The following TULP2 variants were observed in gnomAD, a reference collection of about 807,000 sequenced individuals.
TULP2 encodes TUB like protein 2.
In TULP2, 64 loss-of-function variants were observed where a neutral mutation model predicts 60.3. That is an observed-to-expected ratio of 1.06 (90% CI 0.87 to 1.31). The LOEUF is 1.31. Among genes scored for constraint, TULP2 ranks in the 50% most tolerant of loss-of-function variants. The pLI, the probability that TULP2 is intolerant of heterozygous loss-of-function variation, is 0.00. For missense variants in TULP2, 652 were observed against 667.0 expected, an observed-to-expected ratio of 0.98 and a Z score of 0.25; for synonymous variants, 267 against 265.4, an observed-to-expected ratio of 1.01 and a Z score of -0.06.
At chr19:48,889,268 A>G (rs2037210998) in intron 7 of TULP2, among the ~76,000 whole-genome samples, 1 of 152,076 alleles carries the variant, frequency 6.6e-6, no homozygotes, top group Non-Finnish European at 1.5e-5. Flanking sequence ...GAGCCACCAT[A>G]CCATAAGCTG....
intron 6 of TULP2, among the ~76,000 whole-genome samples, chr19:48,891,229 CAGG>C (rs1418554247): frequency 6.7e-6 from 1 of 149,360 alleles, no homozygotes. Flanking sequence ...GAGGCTGAGG[CAGG>C]AGAATGGTGT....
intron 6 of TULP2, among the ~76,000 whole-genome samples, chr19:48,892,128 G>A (rs888563258): frequency 6.6e-6 from 1 of 152,128 alleles, no homozygotes; most frequent in South Asian, 2.1e-4. Flanking sequence ...TAACCGCATG[G>A]AGGCCTTTCT....
chr19:48,881,376 A>AT (rs72139613), intron 12 of TULP2, among the ~76,000 whole-genome samples: 5,075 of 90,406 alleles, frequency 0.056, 222 homozygotes, highest in African/African-American at 0.086. Flanking sequence ...CGTCCGGCTA[A>AT]TTTTTTTTTT....
intron 4 of TULP2, 32 bp downstream of exon 4, chr19:48,896,398 C>G (rs779825699): frequency 6.4e-6 from 10 of 1,571,460 alleles, no homozygotes; most frequent in Non-Finnish European, 6.9e-6. Context: ...CCCCTCCCCT[C>G]CAGGCGAACG....
At chr19:48,894,949 T>C in intron 6 of TULP2, 49 bp downstream of exon 6, 1 of 1,568,714 alleles carries the variant, frequency 6.4e-7, no homozygotes, top group Non-Finnish European at 8.6e-7. Context: ...GAAGATTTGC[T>C]GCATGAACCA....
rs370437900 is a variant in TULP2, at chr19:48,880,975, G to A, written c.*36C>T. On this transcript the variant is annotated 3_prime_UTR_variant, in exon 13 of 13. Transcript: ENST00000221399. ...TGAGGAGGCACAGAAGCTGGCAAGG[G>A]TATGGTATTTTATTGAGTTATTCAA... 5.1e-6 allele frequency: 8 copies of A among 1,559,638 alleles called. No homozygotes were observed. The African/African-American group carries it at 8.1e-5, about 16-fold the overall frequency.
At chr19:48,881,854 T>TA in intron 12 of TULP2, 178 bp downstream of exon 12, 1 of 798,846 alleles carries the variant, frequency 1.3e-6, no homozygotes, top group African/African-American at 1.7e-5. Flanking sequence ...GCGGTGCCCT[T>TA]ACTAAGCCAG....
intron 6 of TULP2, among the ~76,000 whole-genome samples, chr19:48,890,508 C>T (rs1367580108): frequency 2.0e-5 from 3 of 152,266 alleles, no homozygotes; most frequent in East Asian, 3.9e-4. Flanking sequence ...TTATTTCTTT[C>T]TCTATACTTT....
At chr19:48,885,716 TC>T (rs2037173892) in intron 8 of TULP2, among the ~76,000 whole-genome samples, 156 bp from the exon 9 acceptor site, 1 of 151,466 alleles carries the variant, frequency 6.6e-6, no homozygotes, top group East Asian at 2.0e-4. Context: ...AAACCCCGTC[TC>T]TACTAAAAAT....
chr19:48,889,357 C>T (rs957867206), intron 7 of TULP2, among the ~76,000 whole-genome samples, 153 bp downstream of exon 7: 9 of 152,222 alleles, frequency 5.9e-5, no homozygotes, highest in Non-Finnish European at 1.2e-4. Flanking sequence ...CACGCACGCA[C>T]GCACGCACGC....
At chr19:48,888,850 G>A (rs1263102310) in intron 7 of TULP2, among the ~76,000 whole-genome samples, 1 of 152,124 alleles carries the variant, frequency 6.6e-6, no homozygotes. Context: ...TGGAACTCCT[G>A]ACCTCAGGTG....
At position 48,897,855 on chromosome 19, in the gene TULP2, T is replaced by C. The variant is rs2037296472; in HGVS notation, c.14A>G (p.Asn5Ser). Reference sequence around the variant, plus strand: ...TACTCACTCTCTCATCAATGTGTCATTATCCTGAGACATTCTGCAGAAGCA... The same window carrying C: ...TACTCACTCTCTCATCAATGTGTCACTATCCTGAGACATTCTGCAGAAGCA... MSQD[N>S]DTLMRDILGH... is the part of the protein sequence containing the mutation. Residue 5 changes from asparagine to serine, a missense_variant, in exon 2 of 13, where the codon AAT becomes AGT. Coordinates refer to ENST00000221399, the MANE Select transcript of TULP2 (RefSeq NM_003323.3). This position sits in a 1 kb window ranked among gnomAD's most constrained non-coding sequence, Gnocchi z 4.0. 4.3e-6 allele frequency: 7 copies of C among 1,613,406 alleles called. No individual in the cohort carries two copies. Among genetic ancestry groups the C allele is most frequent in the Non-Finnish European group, 5.1e-6 (6 of 1,179,760 alleles).
intron 8 of TULP2, among the ~76,000 whole-genome samples, chr19:48,887,426 G>A (rs1449351310): frequency 7.0e-6 from 1 of 141,902 alleles, no homozygotes; most frequent in Non-Finnish European, 1.5e-5. Flanking sequence ...CCAGGCTCAA[G>A]CAATCCTCTC....
At chr19:48,891,080 C>T (rs528695395) in intron 6 of TULP2, among the ~76,000 whole-genome samples, 22 of 140,964 alleles carry the variant, frequency 1.6e-4, no homozygotes, top group Admixed American at 9.2e-4. Context: ...TTTGGGAGGC[C>T]GAGGCGGGCG....
At chr19:48,885,368 T>C in intron 9 of TULP2, 80 bp downstream of exon 9, 1 of 1,173,932 alleles carries the variant, frequency 8.5e-7, no homozygotes, top group Non-Finnish European at 1.3e-6. Context: ...GTATGCTCTG[T>C]GGCCTGCTGG....
chr19:48,890,918 C>A (rs2037226604), intron 6 of TULP2, among the ~76,000 whole-genome samples: 1 of 152,036 alleles, frequency 6.6e-6, no homozygotes, highest in Non-Finnish European at 1.5e-5. Flanking sequence ...TCATTGAAAT[C>A]ATTGGCCATC....
At position 48,895,504 on chromosome 19, in the gene TULP2, C is replaced by T. The variant is rs935232213; in HGVS notation, c.212-1G>A. The T allele has an allele frequency of 6.2e-7, 1 of 1,601,706 alleles. No individual in the cohort carries two copies. The highest frequency in any genetic ancestry group is 8.5e-7 in the Non-Finnish European group (1 of 1,170,798). On this transcript the variant is annotated splice_acceptor_variant, in intron 4 of 12. Coordinates refer to ENST00000221399, the MANE Select transcript of TULP2 (RefSeq NM_003323.3). LOFTEE classifies it high-confidence loss of function. ...TTCCGGAGGAAAGGGTTCCCAAGGC[C>T]TGGGAGAAGGTTCAGCGAGCCCATG...
chr19:48,894,124 C>T (rs935134077), intron 6 of TULP2, among the ~76,000 whole-genome samples: 1 of 151,962 alleles, frequency 6.6e-6, no homozygotes, highest in African/African-American at 2.4e-5. Context: ...CCTCGGCCTC[C>T]TGGGTTCAAG....
chr19:48,895,535 G>A (rs866544809), intron 4 of TULP2, 32 bp from the exon 5 acceptor site: 1 of 1,581,904 alleles, frequency 6.3e-7, no homozygotes, highest in Non-Finnish European at 8.6e-7. Context: ...CCATGAAAAC[G>A]ATCTACAAAT....
Sources: gnomAD v4.1 joint callset for allele counts (sites outside exome capture counted in the v4.1 genomes callset) on GRCh38, gnomAD v4.1.1 for gene constraint, Gnocchi (gnomAD v3.1) non-coding constraint, MANE v1.5 for transcripts, NCBI Gene and HGNC (gene_info 2026-07-23, HGNC 2026-07-21) for gene names.